RGS6: variants seen among roughly 807,000 people sequenced by gnomAD.
RGS6 encodes the protein regulator of G-protein signaling 6.
Under a neutral mutation model 78.5 loss-of-function variants are expected in RGS6, and 30 were observed. The ratio of observed to expected loss-of-function variants is 0.38; its 90% CI spans 0.29 to 0.52. The LOEUF (loss-of-function observed/expected upper bound fraction) is 0.52, where lower values mean the gene tolerates loss of function less well. RGS6 is among the 20% of genes least tolerant of loss of function. The probability of loss-of-function intolerance (pLI) is 0.85; values close to 1 mark genes in which losing one functional copy is unlikely to be tolerated. For missense variants in RGS6, 495 were observed against 609.7 expected, an observed-to-expected ratio of 0.81 and a Z score of 1.98; for synonymous variants, 206 against 206.0, an observed-to-expected ratio of 1.00 and a Z score of 0.00.
At chr14:72,155,274 C>G (rs1480770125) in intron 2 of RGS6, among the ~76,000 whole-genome samples, 1 of 152,158 alleles carries the variant, frequency 6.6e-6, no homozygotes, top group East Asian at 1.9e-4. Flanking sequence ...GCATCCTGTT[C>G]CCTGGTTTGG....
chr14:72,032,236 G>C (rs1426097616), intron 2 of RGS6, among the ~76,000 whole-genome samples: 6 of 152,026 alleles, frequency 3.9e-5, no homozygotes, highest in Non-Finnish European at 5.9e-5. Context: ...TACTATTAAG[G>C]CTTTTTCTAT....
At chr14:72,550,710 T>C (rs574398138) in intron 17 of RGS6, 1 of 1,361,664 alleles carries the variant, frequency 7.3e-7, no homozygotes, top group African/African-American at 1.5e-5. Context: ...TCCGGTGGTT[T>C]TACACCTGAT....
At chr14:72,265,937 T>TC (rs1458381933) in intron 2 of RGS6, among the ~76,000 whole-genome samples, 1 of 37,712 alleles carries the variant, frequency 2.7e-5, no homozygotes, top group Non-Finnish European at 4.9e-5. Flanking sequence ...TATCGCTTTT[T>TC]TGGGGGGGGG....
chr14:72,548,094 TC>T (rs1397351490), intron 17 of RGS6, among the ~76,000 whole-genome samples: 1 of 151,978 alleles, frequency 6.6e-6, no homozygotes, highest in African/African-American at 2.4e-5. Context: ...GGTGTATTAA[TC>T]CGTCTATGTC....
chr14:72,411,798 G>T (rs1230076012), intron 3 of RGS6, among the ~76,000 whole-genome samples: 5 of 152,158 alleles, frequency 3.3e-5, no homozygotes, highest in African/African-American at 1.2e-4. Context: ...TTTTGTCAAA[G>T]GCCTTTTCTG....
At chr14:72,156,326 A>G (rs187782261) in intron 2 of RGS6, among the ~76,000 whole-genome samples, 1 of 152,110 alleles carries the variant, frequency 6.6e-6, no homozygotes, top group East Asian at 1.9e-4. Flanking sequence ...CGGGCCTGTA[A>G]TCCCAGCTAC....
chr14:72,325,282 G>A (rs1773989608), intron 2 of RGS6, among the ~76,000 whole-genome samples: 1 of 152,122 alleles, frequency 6.6e-6, no homozygotes, highest in African/African-American at 2.4e-5. Context: ...CATTGCAAAC[G>A]TTTTCTCCCA....
chr14:72,607,465 C>G, the RGS6 span, among the ~76,000 whole-genome samples: 27 of 152,206 alleles, frequency 1.8e-4, no homozygotes, highest in African/African-American at 6.0e-4. Context: ...ACTCTGCCCC[C>G]CATGACATAA....
intron 2 of RGS6, among the ~76,000 whole-genome samples, chr14:72,288,302 T>C (rs1286942053): frequency 6.6e-6 from 1 of 152,234 alleles, no homozygotes; most frequent in Non-Finnish European, 1.5e-5. Context: ...AAGACTCTTC[T>C]AATTATCCTG....
chr14:72,630,027 G>A, the RGS6 span, among the ~76,000 whole-genome samples: 5 of 152,156 alleles, frequency 3.3e-5, no homozygotes, highest in South Asian at 2.1e-4. Flanking sequence ...CAGAGAGAAC[G>A]AGAGAGGAAA....
At chr14:72,213,974 T>C (rs1220187589) in intron 2 of RGS6, among the ~76,000 whole-genome samples, 1 of 152,200 alleles carries the variant, frequency 6.6e-6, no homozygotes, top group Non-Finnish European at 1.5e-5. Context: ...TATCACATTG[T>C]GCTGAAGAGG....
rs1055780790 is a variant in RGS6, at chr14:72,562,625, G to A, written c.*158G>A. Reference sequence around the variant, plus strand: ...GGGCGATGGTGGGGAGACTCGGTGGGTGAATGGGGAGACCAGAAAGAAAGA... The same window carrying A: ...GGGCGATGGTGGGGAGACTCGGTGGATGAATGGGGAGACCAGAAAGAAAGA... On this transcript the variant is annotated 3_prime_UTR_variant, in exon 18 of 18. Transcript: ENST00000553525. The A allele has an allele frequency of 2.0e-6, 3 of 1,535,144 alleles. No individual in the cohort carries two copies.
intron 2 of RGS6, among the ~76,000 whole-genome samples, chr14:72,128,542 T>C (rs1007083754): frequency 3.3e-5 from 5 of 151,462 alleles, no homozygotes; most frequent in African/African-American, 9.7e-5. Flanking sequence ...TTTGATTGTG[T>C]TGATTTTTTT....
intron 2 of RGS6, among the ~76,000 whole-genome samples, chr14:72,280,798 A>G (rs1323172378): frequency 1.3e-5 from 2 of 152,212 alleles, no homozygotes; most frequent in Non-Finnish European, 1.5e-5. Flanking sequence ...CTTGCTATCA[A>G]GTGTTAAAGG....
chr14:72,095,670 A>G (rs556393861), intron 2 of RGS6, among the ~76,000 whole-genome samples: 2 of 152,328 alleles, frequency 1.3e-5, no homozygotes, highest in South Asian at 4.1e-4. Flanking sequence ...CAGAGAGGGA[A>G]CGTATGTGGA....
At position 71,932,556 on chromosome 14, in the gene RGS6, G is replaced by C. The variant is rs1313551988; in HGVS notation, c.-406G>C. ...GCCGAGGGAACGGACAGACCTCCGC[G>C]CACCCTTGCCGACCGGGGCGGGCAG... On this transcript the variant is annotated 5_prime_UTR_variant, in exon 1 of 18. Coordinates refer to ENST00000553525, the MANE Select transcript of RGS6 (RefSeq NM_001204424.2). The C allele has an allele frequency of 2.0e-5, 3 of 152,150 alleles. No homozygotes were observed. The highest frequency in any genetic ancestry group is 4.4e-5 in the Non-Finnish European group (3 of 68,062). The allele number at this position is 152,150 out of a possible 1,614,324, so 9.4% of individuals were successfully genotyped here. A position where few individuals can be genotyped will look rare whatever the true frequency, so the allele number is the denominator to read the frequency against.
At chr14:71,876,228 T>C in the RGS6 span, among the ~76,000 whole-genome samples, 5 of 151,936 alleles carry the variant, frequency 3.3e-5, no homozygotes, top group Non-Finnish European at 5.9e-5. Flanking sequence ...TTGATCTGTC[T>C]AATGTTGACA....
chr14:71,937,125 T>C (rs1206648236), intron 1 of RGS6, among the ~76,000 whole-genome samples: 3 of 152,236 alleles, frequency 2.0e-5, no homozygotes, highest in Non-Finnish European at 4.4e-5. Context: ...AGTAGACTGA[T>C]TTCCTCTTGA....
chr14:72,178,931 C>T (rs187969383), intron 2 of RGS6, among the ~76,000 whole-genome samples: 33 of 152,324 alleles, frequency 2.2e-4, no homozygotes, highest in East Asian at 9.6e-4. Flanking sequence ...GGAAAGTCCC[C>T]GCCTTGGGTT....
Sources: gnomAD v4.1 joint callset for allele counts (sites outside exome capture counted in the v4.1 genomes callset) on GRCh38, gnomAD v4.1.1 for gene constraint, MANE v1.5 for transcripts, NCBI Gene and HGNC (gene_info 2026-07-23, HGNC 2026-07-21) for gene names.